RBFOX1: variants seen among roughly 807,000 people sequenced by gnomAD.
RBFOX1 encodes RNA binding protein fox-1 homolog 1.
In RBFOX1, 8 loss-of-function variants were observed where a neutral mutation model predicts 57.7. That is an observed-to-expected ratio of 0.14 (90% CI 0.08 to 0.25). The LOEUF is 0.25. Ranked by LOEUF, RBFOX1 falls within the 10% of genes least tolerant of loss-of-function variation. The pLI, the probability that RBFOX1 is intolerant of heterozygous loss-of-function variation, is 1.00. For missense variants in RBFOX1, 611 were observed against 548.5 expected (o/e 1.11, Z -1.14); for synonymous variants, 326 against 222.4 (o/e 1.47, Z -4.15).
At chr16:6,865,014 T>C (rs1266250975) in intron 3 of RBFOX1, among the ~76,000 whole-genome samples, 2 of 144,572 alleles carry the variant, frequency 1.4e-5, no homozygotes, top group African/African-American at 2.6e-5. Context: ...TTTTTTTTTT[T>C]TTTTTGAGAT....
rs2048307934 is a variant in RBFOX1 at position 5,625,025 on chromosome 16, G to T, written c.318+26064G>T. ...GAGCCTGGCACGAGAGATACCAGCA[G>T]TCACCCTCCATAGGCGGCTCTGGAT... On this transcript the variant is annotated intron_variant, in intron 3 of 19. Transcript: ENST00000641259. 2.6e-5 allele frequency among the ~76,000 whole-genome samples: 4 copies of T among 152,194 alleles called. No homozygotes were observed. The South Asian group carries it at 8.3e-4, about 32-fold the overall frequency.
chr16:6,838,024 A>G (rs1485811210), intron 3 of RBFOX1, among the ~76,000 whole-genome samples: 4 of 140,706 alleles, frequency 2.8e-5, no homozygotes, highest in African/African-American at 1.1e-4. Context: ...TTTTTTTTCC[A>G]TTTTACTTTA....
intron 1 of RBFOX1, among the ~76,000 whole-genome samples, chr16:5,365,599 G>T (rs56060168): frequency 1.3e-5 from 2 of 152,176 alleles, no homozygotes; most frequent in Non-Finnish European, 2.9e-5. Flanking sequence ...TACCCTGGAG[G>T]TGGAGGTTGC....
At chr16:7,452,752 G>T (rs2057622979) in intron 4 of RBFOX1, among the ~76,000 whole-genome samples, 2 of 152,138 alleles carry the variant, frequency 1.3e-5, no homozygotes, top group Non-Finnish European at 1.5e-5. Context: ...CCTGATCATG[G>T]CTGCCAAGAC....
At chr16:5,982,107 C>T (rs1171299456) in intron 4 of RBFOX1, among the ~76,000 whole-genome samples, 1 of 152,156 alleles carries the variant, frequency 6.6e-6, no homozygotes, top group African/African-American at 2.4e-5. Flanking sequence ...GGCCAGAAGC[C>T]TTATAATGGC....
chr16:6,482,859 G>T (rs979823713), intron 2 of RBFOX1, among the ~76,000 whole-genome samples: 5 of 152,230 alleles, frequency 3.3e-5, no homozygotes, highest in African/African-American at 7.2e-5. Context: ...AATAATGCAG[G>T]AGTAGCGTAA....
chr16:6,561,850 A>T (rs1347844991), intron 2 of RBFOX1, among the ~76,000 whole-genome samples: 1 of 152,166 alleles, frequency 6.6e-6, no homozygotes, highest in East Asian at 1.9e-4. Context: ...GGAGGAATCC[A>T]CAAGTTGGAT....
At chr16:6,096,094 C>G (rs1432667177) in intron 1 of RBFOX1, among the ~76,000 whole-genome samples, 2 of 152,226 alleles carry the variant, frequency 1.3e-5, no homozygotes, top group Admixed American at 6.5e-5. Context: ...GCCATGGAAA[C>G]AGAACATGGC....
chr16:6,616,554 T>C (rs1232619602), intron 2 of RBFOX1, among the ~76,000 whole-genome samples: 1 of 152,126 alleles, frequency 6.6e-6, no homozygotes, highest in Non-Finnish European at 1.5e-5. Context: ...CGGGCGTCTG[T>C]AGTCCCAGGT....
chr16:7,122,429 C>G (rs760971220), intron 4 of RBFOX1, among the ~76,000 whole-genome samples: 1 of 151,954 alleles, frequency 6.6e-6, no homozygotes, highest in Non-Finnish European at 1.5e-5. Flanking sequence ...GGATATTCAT[C>G]AGGCAAAAAC....
At chr16:6,950,831 C>T (rs74250023) in intron 3 of RBFOX1, among the ~76,000 whole-genome samples, 25,199 of 152,024 alleles carry the variant, frequency 0.17, 2,470 homozygotes, top group East Asian at 0.28. Flanking sequence ...TTTCCTTCCT[C>T]AGCTCTTTCT....
At chr16:7,682,490 G>C (rs910234287) in intron 14 of RBFOX1, among the ~76,000 whole-genome samples, 1 of 116,480 alleles carries the variant, frequency 8.6e-6, no homozygotes, top group African/African-American at 3.0e-5. Flanking sequence ...ATAAGCCAAA[G>C]TCATATCTCT....
chr16:7,417,772 G>T (rs149798933), intron 4 of RBFOX1, among the ~76,000 whole-genome samples: 3 of 152,222 alleles, frequency 2.0e-5, no homozygotes, highest in Middle Eastern at 3.4e-3. Context: ...TATGTGAAAG[G>T]CTTCATGTTG....
intron 3 of RBFOX1, among the ~76,000 whole-genome samples, chr16:6,842,400 C>G (rs1329207449): frequency 1.3e-5 from 2 of 152,072 alleles, no homozygotes; most frequent in Admixed American, 1.3e-4. Context: ...TTTAATCCAA[C>G]TACTTGGAGA....
chr16:7,119,229 C>T (rs1032564202), intron 4 of RBFOX1, among the ~76,000 whole-genome samples: 2 of 152,088 alleles, frequency 1.3e-5, no homozygotes, highest in African/African-American at 4.8e-5. Flanking sequence ...AGGTACAAGG[C>T]AGTAATTTTT....
chr16:7,464,253 G>C (rs932943263), intron 4 of RBFOX1, among the ~76,000 whole-genome samples: 1 of 152,152 alleles, frequency 6.6e-6, no homozygotes, highest in South Asian at 2.1e-4. Flanking sequence ...TATAATGGTG[G>C]ACAGTTTAGC....
At chr16:7,519,819 A>C in intron 5 of RBFOX1, 3 of 716,288 alleles carry the variant, frequency 4.2e-6, no homozygotes, top group Non-Finnish European at 1.7e-6. Flanking sequence ...ATAAAAGAAA[A>C]CACTGACTAA....
At chr16:7,171,736 T>C (rs893366988) in intron 4 of RBFOX1, among the ~76,000 whole-genome samples, 11 of 152,356 alleles carry the variant, frequency 7.2e-5, no homozygotes, top group African/African-American at 2.4e-4. Context: ...GCCTCAGAAC[T>C]GTAATAACTC....
chr16:6,510,999 C>T (rs576002219), intron 2 of RBFOX1, among the ~76,000 whole-genome samples: 2 of 152,224 alleles, frequency 1.3e-5, no homozygotes, highest in East Asian at 1.9e-4. Context: ...AATGCTGTCA[C>T]GAGCTGTTAA....
Sources: allele counts gnomAD v4.1 joint callset (sites outside exome capture counted in the v4.1 genomes callset), GRCh38; gene constraint gnomAD v4.1.1; transcripts MANE v1.5; gene names NCBI Gene and HGNC (gene_info 2026-07-23, HGNC 2026-07-21).